Variants in EDC3 observed in about 807,000 individuals in gnomAD.
The protein encoded by EDC3 is enhancer of mRNA-decapping protein 3.
Under a neutral mutation model 41.8 loss-of-function variants are expected in EDC3, and 20 were observed. The observed-to-expected ratio is 0.48, with a 90% CI of 0.34 to 0.70. EDC3 has a LOEUF of 0.70. Among genes scored for constraint, EDC3 ranks in the 30% least tolerant of loss-of-function variants. The pLI is 0.01. For synonymous variants in EDC3, 206 were observed against 243.2 expected (o/e 0.85, Z 1.42); for missense variants, 444 against 636.8 (o/e 0.70, Z 3.26).
At chr15:74,659,535 T>C (rs907028497) in intron 3 of EDC3, among the ~76,000 whole-genome samples, 3 of 147,582 alleles carry the variant, frequency 2.0e-5, no homozygotes, top group African/African-American at 7.7e-5. Context: ...AAATATGATG[T>C]GATTAGAGTT....
chr15:74,672,865 G>A (rs896885146), intron 2 of EDC3, among the ~76,000 whole-genome samples: 2 of 151,922 alleles, frequency 1.3e-5, no homozygotes, highest in Non-Finnish European at 2.9e-5. Flanking sequence ...ACAGAGGTGT[G>A]CATAGGAGAC....
chr15:74,678,707 T>C (rs1452482151), intron 1 of EDC3, among the ~76,000 whole-genome samples: 1 of 151,754 alleles, frequency 6.6e-6, no homozygotes, highest in African/African-American at 2.4e-5. Flanking sequence ...CTGGCCAACA[T>C]GGTGAAACCC....
At chr15:74,643,735 C>T (rs1320300686) in intron 4 of EDC3, 1 of 152,254 alleles carries the variant, frequency 6.6e-6, no homozygotes, top group African/African-American at 2.4e-5. Context: ...GTTCCTCTCT[C>T]CTTCAGACCT....
intron 1 of EDC3, among the ~76,000 whole-genome samples, chr15:74,677,568 A>G (rs2062821074): frequency 6.6e-6 from 1 of 151,688 alleles, no homozygotes; most frequent in Admixed American, 6.6e-5. Flanking sequence ...GAGGGGTTTC[A>G]CCATGTTGCC....
rs142737385 is a variant in EDC3, at chr15:74,686,888, G to A, written c.-19+8992C>T. Among the ~76,000 whole-genome samples the A allele has an allele frequency of 2.8e-3, 420 of 152,168 alleles. 1 individual carries two copies. The highest frequency in any genetic ancestry group is 0.01 in the Middle Eastern group (3 of 294). ...AATCCCAGCACTTTGGGAGGCCGACGTGGACGGCATGGTGGCATGCACCTG... is the reference window on the plus strand; with the variant it reads ...AATCCCAGCACTTTGGGAGGCCGACATGGACGGCATGGTGGCATGCACCTG... On this transcript the variant is annotated intron_variant, in intron 1 of 6. Transcript: ENST00000315127.
chr15:74,683,023 A>C (rs1376818834), intron 1 of EDC3, among the ~76,000 whole-genome samples: 3 of 151,658 alleles, frequency 2.0e-5, no homozygotes, highest in Non-Finnish European at 2.9e-5. Flanking sequence ...ACTCTGTCTC[A>C]GAAAAAAAAT....
chr15:74,636,074 A>G (rs1334338150), intron 5 of EDC3: 1 of 167,384 alleles, frequency 6.0e-6, no homozygotes, highest in Non-Finnish European at 1.3e-5. Flanking sequence ...CACTTTCCAA[A>G]CTCTGAACCG....
At chr15:74,635,313 G>T in intron 6 of EDC3, 96 bp downstream of exon 6, 1 of 1,151,878 alleles carries the variant, frequency 8.7e-7, no homozygotes, top group Non-Finnish European at 1.3e-6. Context: ...TACACACGTA[G>T]TGCCTTTCCA....
intron 1 of EDC3, among the ~76,000 whole-genome samples, chr15:74,691,931 C>T (rs772746012): frequency 1.3e-5 from 2 of 152,160 alleles, no homozygotes; most frequent in Non-Finnish European, 2.9e-5. Context: ...ATTCTCCTGC[C>T]TCAGCCTCCC....
intron 4 of EDC3, among the ~76,000 whole-genome samples, chr15:74,646,166 G>A (rs1435331727): frequency 2.7e-5 from 4 of 148,422 alleles, no homozygotes; most frequent in South Asian, 4.5e-4. Flanking sequence ...TCCGCCTCCC[G>A]GGTTCAAGTG....
intron 3 of EDC3, among the ~76,000 whole-genome samples, chr15:74,666,056 C>T (rs1032894044): frequency 1.3e-5 from 2 of 152,006 alleles, no homozygotes; most frequent in African/African-American, 4.8e-5. Context: ...TCCCAGCCTC[C>T]GAAAGTGTTA....
At chr15:74,677,203 C>CTCT (rs2062815238) in intron 1 of EDC3, among the ~76,000 whole-genome samples, 1 of 151,848 alleles carries the variant, frequency 6.6e-6, no homozygotes, top group Non-Finnish European at 1.5e-5. Flanking sequence ...GCTGGGATTA[C>CTCT]AGGCATGCAC....
intron 5 of EDC3, chr15:74,640,146 A>G: frequency 3.6e-6 from 1 of 274,324 alleles, no homozygotes; most frequent in South Asian, 5.4e-5. Flanking sequence ...GTAAATGATG[A>G]GTGCCAAAGG....
intron 4 of EDC3, among the ~76,000 whole-genome samples, chr15:74,648,149 T>C (rs924094212): frequency 1.3e-5 from 2 of 152,220 alleles, no homozygotes; most frequent in Admixed American, 6.5e-5. Flanking sequence ...CCTCACTACC[T>C]CCAGGTAAAA....
rs1483080202 is a variant in EDC3, at chr15:74,632,456, G to A, written c.*156C>T. ...GAAAGACTTCCCTGGCTAAGAGCAA[G>A]TGACAGGTCAGTTTTAAGTAAGTTC... On this transcript the variant is annotated 3_prime_UTR_variant, in exon 7 of 7. Coordinates refer to ENST00000315127, the MANE Select transcript of EDC3 (RefSeq NM_025083.5). This position sits in a 1 kb window ranked among gnomAD's most constrained non-coding sequence, Gnocchi z 4.0. The A allele has an allele frequency of 1.9e-5, 17 of 910,374 alleles. No homozygotes were observed. The Admixed American group carries it at 4.5e-4, about 24-fold the overall frequency. The allele number at this position is 910,374 out of a possible 1,614,324, so 56.4% of individuals were successfully genotyped here. A position where few individuals can be genotyped will look rare whatever the true frequency, so the allele number is the denominator to read the frequency against.
rs546850263 is a variant in EDC3, at chr15:74,671,839, C to G, written c.165-65G>C. ...GTGGTAAGAATGATGAAACTGAGAT[C>G]ATTAGCAAACAGCTACCCCTTTGCA... On this transcript the variant is annotated intron_variant, in intron 2 of 6. Coordinates refer to ENST00000315127, the MANE Select transcript of EDC3 (RefSeq NM_025083.5). The surrounding 1 kb of genome is among the most constrained non-coding windows in gnomAD (Gnocchi z 4.6). The G allele has an allele frequency of 5.4e-6, 8 of 1,479,032 alleles. No individual in the cohort carries two copies. Among genetic ancestry groups the G allele is most frequent in the Non-Finnish European group, 5.6e-6 (6 of 1,070,186 alleles). 91.6% of individuals were successfully genotyped at this position (1,479,032 alleles called of 1,614,324 possible).
intron 3 of EDC3, among the ~76,000 whole-genome samples, chr15:74,663,085 G>A (rs1023135620): frequency 1.7e-4 from 26 of 152,084 alleles, no homozygotes; most frequent in Admixed American, 1.5e-3. Context: ...TCAGGAGTTC[G>A]AGACCAACCT....
At chr15:74,694,416 T>C (rs2141694633) in intron 1 of EDC3, among the ~76,000 whole-genome samples, 1 of 152,320 alleles carries the variant, frequency 6.6e-6, no homozygotes, top group South Asian at 2.1e-4. Context: ...CAAGCGTTTC[T>C]CCTGCCTCAG....
chr15:74,635,671 A>G, intron 5 of EDC3, 45 bp from the exon 6 acceptor site: 3 of 1,560,130 alleles, frequency 1.9e-6, no homozygotes, highest in Non-Finnish European at 2.6e-6. Flanking sequence ...ATACTTGCCA[A>G]TCCCTTGCAC....
Sources: allele counts gnomAD v4.1 joint callset (sites outside exome capture counted in the v4.1 genomes callset), GRCh38; gene constraint gnomAD v4.1.1; non-coding constraint Gnocchi (gnomAD v3.1); transcripts MANE v1.5; gene names NCBI Gene and HGNC (gene_info 2026-07-23, HGNC 2026-07-21).